GLYATL2: variants seen among roughly 807,000 people sequenced by gnomAD.
GLYATL2 encodes glycine N-acyltransferase-like protein 2.
GLYATL2 carries 25 observed loss-of-function variants against 21.4 expected under a neutral mutation model. The ratio of observed to expected loss-of-function variants is 1.17; its 90% CI spans 0.85 to 1.63. The LOEUF (loss-of-function observed/expected upper bound fraction) is 1.63. GLYATL2 is among the 40% of genes most tolerant of loss of function. The pLI is 0.00. For synonymous variants in GLYATL2, 114 were observed against 118.2 expected, an observed-to-expected ratio of 0.96 and a Z score of 0.23; for missense variants, 361 against 343.3, an observed-to-expected ratio of 1.05 and a Z score of -0.41.
At chr11:58,855,174 T>G (rs1853807170) in intron 1 of GLYATL2, among the ~76,000 whole-genome samples, 1 of 152,234 alleles carries the variant, frequency 6.6e-6, no homozygotes, top group South Asian at 2.1e-4. Flanking sequence ...CAATTTACTT[T>G]GCCCTGATCC....
chr11:58,871,806 G>A (rs1854126589), intron 1 of GLYATL2, among the ~76,000 whole-genome samples: 1 of 152,138 alleles, frequency 6.6e-6, no homozygotes, highest in Admixed American at 6.5e-5. Context: ...CCCAGTAATG[G>A]GATGGCTGGG....
chr11:58,864,619 G>C (rs376414479), intron 1 of GLYATL2, among the ~76,000 whole-genome samples: 2 of 149,324 alleles, frequency 1.3e-5, no homozygotes, highest in African/African-American at 4.8e-5. Context: ...TTCCATGCCT[G>C]TGGGTGGGGT....
At chr11:58,847,930 C>T (rs575894555), upstream of GLYATL2, among the ~76,000 whole-genome samples, 9 of 148,870 alleles carry the variant, frequency 6.0e-5, 1 homozygote, top group South Asian at 4.3e-4. Context: ...GTCATAATGG[C>T]GGTGGCCACA....
intron 1 of GLYATL2, among the ~76,000 whole-genome samples, chr11:58,883,381 G>A (rs1320284353): frequency 6.6e-6 from 1 of 151,940 alleles, no homozygotes; most frequent in Non-Finnish European, 1.5e-5. Flanking sequence ...AATGATAAAG[G>A]GGATATCACC....
At chr11:58,898,840 AT>A (rs1301563141) in intron 1 of GLYATL2, among the ~76,000 whole-genome samples, 1 of 152,180 alleles carries the variant, frequency 6.6e-6, no homozygotes, top group African/African-American at 2.4e-5. Context: ...CTTAAAAAAA[AT>A]AAAATAAAAT....
At chr11:58,865,463 G>C (rs1038501868) in intron 1 of GLYATL2, among the ~76,000 whole-genome samples, 1 of 149,168 alleles carries the variant, frequency 6.7e-6, no homozygotes, top group Non-Finnish European at 1.5e-5. Context: ...TCAAGAGGAA[G>C]AGACTCATGG....
intron 3 of GLYATL2, among the ~76,000 whole-genome samples, chr11:58,838,059 C>T (rs949424632): frequency 2.0e-5 from 3 of 152,156 alleles, no homozygotes; most frequent in African/African-American, 7.2e-5. Context: ...TTTATTTACA[C>T]ATCCTGGATT....
At chr11:58,872,892 C>T (rs1046064310) in intron 1 of GLYATL2, among the ~76,000 whole-genome samples, 50 of 152,274 alleles carry the variant, frequency 3.3e-4, no homozygotes, top group Admixed American at 1.3e-4. Flanking sequence ...GCCATTTTCA[C>T]GATATTGATT....
At chr11:58,862,311 A>T (rs1012669802) in intron 1 of GLYATL2, among the ~76,000 whole-genome samples, 2 of 152,156 alleles carry the variant, frequency 1.3e-5, no homozygotes, top group African/African-American at 4.8e-5. Flanking sequence ...ATCTTATCAA[A>T]CACTTTTAAT....
intron 1 of GLYATL2, among the ~76,000 whole-genome samples, chr11:58,854,696 A>ATGT (rs375705818): frequency 0.89 from 134,848 of 152,026 alleles, 60,968 homozygotes; most frequent in Non-Finnish European, 0.98. Context: ...TCTGAAATCA[A>ATGT]AATGCTATTT....
chr11:58,842,476 CTGTGTGTGTGTGTGTGTGTG>C (rs34133004), intron 1 of GLYATL2, among the ~76,000 whole-genome samples: 1 of 134,748 alleles, frequency 7.4e-6, no homozygotes, highest in African/African-American at 2.8e-5. Context: ...GAGTGAGACT[CTGTGTGTGTGTGTGTGTGTG>C]TGTGTGTGTG....
At chr11:58,876,523 T>C (rs568667385) in intron 1 of GLYATL2, among the ~76,000 whole-genome samples, 2 of 152,368 alleles carry the variant, frequency 1.3e-5, no homozygotes, top group African/African-American at 4.8e-5. Context: ...GACCCTCAAC[T>C]GCAGGTCTGT....
chr11:58,909,029 G>A (rs545730782), upstream of GLYATL2, among the ~76,000 whole-genome samples: 7 of 152,260 alleles, frequency 4.6e-5, no homozygotes, highest in South Asian at 1.5e-3. Flanking sequence ...AGACTGCAGA[G>A]GCTGGTTTTT....
At chr11:58,860,627 C>A (rs1024813795) in intron 1 of GLYATL2, among the ~76,000 whole-genome samples, 5 of 152,030 alleles carry the variant, frequency 3.3e-5, no homozygotes, top group African/African-American at 9.7e-5. Context: ...AGTAGAACTT[C>A]CATTAATGCA....
chr11:58,875,847 AT>A (rs1394703982), intron 1 of GLYATL2, among the ~76,000 whole-genome samples: 1 of 152,150 alleles, frequency 6.6e-6, no homozygotes, highest in Non-Finnish European at 1.5e-5. Flanking sequence ...GCCTTGCTGG[AT>A]TGGGGAAGTT....
chr11:58,835,682 T>C (rs1391079507), intron 5 of GLYATL2, among the ~76,000 whole-genome samples: 5 of 152,176 alleles, frequency 3.3e-5, no homozygotes, highest in African/African-American at 1.2e-4. Flanking sequence ...TCACTTCACC[T>C]GATCCTGGAC....
upstream of GLYATL2, among the ~76,000 whole-genome samples, chr11:58,847,727 C>T (rs1200758098): frequency 6.6e-6 from 1 of 152,190 alleles, no homozygotes; most frequent in Non-Finnish European, 1.5e-5. Flanking sequence ...GACTTCTGGA[C>T]AGCACATCTG....
chr11:58,907,988 G>T (rs7126489), upstream of GLYATL2: 113,461 of 152,996 alleles, frequency 0.74, 44,490 homozygotes, highest in Non-Finnish European at 0.88. Flanking sequence ...TGTTACATCT[G>T]CTCCTTTCCG....
chr11:58,848,732 C>A (rs1853687267), upstream of GLYATL2, among the ~76,000 whole-genome samples: 1 of 151,548 alleles, frequency 6.6e-6, no homozygotes, highest in African/African-American at 2.4e-5. Context: ...AAGGGCAAAT[C>A]TAAGAATTAT....
Sources: allele counts gnomAD v4.1 joint callset (sites outside exome capture counted in the v4.1 genomes callset), GRCh38; gene constraint gnomAD v4.1.1; transcripts MANE v1.5; gene names NCBI Gene and HGNC (gene_info 2026-07-23, HGNC 2026-07-21).